The following SPARC variants were observed in gnomAD, a reference collection of about 807,000 sequenced individuals.
SPARC encodes secreted protein acidic and cysteine rich, also known as basement-membrane protein 40.
A neutral mutation model predicts 37.7 loss-of-function variants in SPARC; 23 were observed. That is an observed-to-expected ratio of 0.61 (90% CI 0.44 to 0.87). SPARC has a LOEUF of 0.87. Ranked by LOEUF, SPARC falls within the 40% of genes least tolerant of loss-of-function variation. The pLI is 0.00. For synonymous variants in SPARC, 155 were observed against 150.8 expected (o/e 1.03, Z -0.20); for missense variants, 312 against 389.0 (o/e 0.80, Z 1.66).
chr5:151,672,984 G>A (rs1194019645), intron 4 of SPARC, 145 bp downstream of exon 4: 10 of 679,344 alleles, frequency 1.5e-5, no homozygotes, highest in African/African-American at 5.3e-5. Context: ...CACTTGTTAA[G>A]TCAAAGCCGT....
intron 6 of SPARC, 132 bp downstream of exon 6, chr5:151,669,532 G>T: frequency 9.4e-7 from 1 of 1,063,206 alleles, no homozygotes; most frequent in South Asian, 1.7e-5. Context: ...TTATAAATGG[G>T]GATGCCGAGA....
chr5:151,680,551 A>T (rs1384121263), intron 1 of SPARC, among the ~76,000 whole-genome samples: 1 of 152,124 alleles, frequency 6.6e-6, no homozygotes, highest in Non-Finnish European at 1.5e-5. Flanking sequence ...AATCAACTTA[A>T]ATCTAAATAG....
intron 1 of SPARC, among the ~76,000 whole-genome samples, chr5:151,677,260 C>A (rs1760878091): frequency 6.6e-6 from 1 of 152,172 alleles, no homozygotes; most frequent in Non-Finnish European, 1.5e-5. Flanking sequence ...TTTTACTGAT[C>A]TAAATGTGCC....
chr5:151,667,856 C>T (rs1456076495), intron 6 of SPARC, among the ~76,000 whole-genome samples: 1 of 152,254 alleles, frequency 6.6e-6, no homozygotes, highest in Non-Finnish European at 1.5e-5. Context: ...AAATGGATGG[C>T]TCCTGCACCT....
At chr5:151,671,779 C>G (rs536140795) in intron 4 of SPARC, 85 bp from the exon 5 acceptor site, 111 of 1,562,806 alleles carry the variant, frequency 7.1e-5, no homozygotes, top group Non-Finnish European at 8.9e-5. Flanking sequence ...TCAGGGCTGA[C>G]AGTCCTTGAC....
intron 1 of SPARC, among the ~76,000 whole-genome samples, chr5:151,683,389 G>T (rs1263400755): frequency 6.6e-6 from 1 of 152,200 alleles, no homozygotes; most frequent in East Asian, 1.9e-4. Flanking sequence ...TTTCCAAACT[G>T]AACAAATGGG....
chr5:151,669,035 C>T (rs1215421678), intron 6 of SPARC, among the ~76,000 whole-genome samples: 1 of 152,214 alleles, frequency 6.6e-6, no homozygotes, highest in East Asian at 1.9e-4. Context: ...GAACAAGGCA[C>T]TTGGCCCCAC....
Position 151,664,080 on chromosome 5 carries a change from C to G in SPARC, c.883+7G>C, listed in dbSNP as rs772522617. ...CATGCCCCTTGCTTCTTTGTTCAGA[C>G]ACTCACTCTGCTTGATGCCGAAGCA... On this transcript the variant is annotated splice_region_variant and intron_variant, in intron 9 of 9. Transcript: ENST00000231061. The G allele has an allele frequency of 6.2e-7, 1 of 1,614,150 alleles. No homozygotes were observed. The highest frequency in any genetic ancestry group is 8.5e-7 in the Non-Finnish European group (1 of 1,180,040).
Position 151,667,479 on chromosome 5 carries a change from C to G in SPARC, c.573G>C (p.Lys191Asn). 1 of 1,614,208 alleles carries G rather than the reference C, an allele frequency of 6.2e-7. No individual in the cohort carries two copies. Among genetic ancestry groups the G allele is most frequent in the Non-Finnish European group, 8.5e-7 (1 of 1,180,026 alleles). Residue 191 changes from lysine (K) to asparagine (N), a missense_variant, in exon 7 of 10, where the codon AAG becomes AAC. Lys to Asn is a moderately conservative substitution (Grantham distance 94). Transcript: ENST00000231061. ...AGAGACCACTTACCCGCAGCTTCTG[C>G]TTCTCAGTCAGAAGGTTGTTGTCCT... is the stretch of plus-strand genomic sequence containing the variant. The part of the protein sequence containing the change: ...RDEDNNLLTE[K>N]QKLRVKKIHE...
In SPARC at chr5:151,662,157, AT is replaced by A; in HGVS notation, c.*1413del. 1 of 152,678 alleles carries A rather than the reference AT, an allele frequency of 6.5e-6. No individual in the cohort carries two copies. The highest frequency in any genetic ancestry group is 1.9e-4 in the East Asian group (1 of 5,206). 9.5% of individuals were successfully genotyped at this position (152,678 alleles called of 1,614,324 possible). On this transcript the variant is annotated 3_prime_UTR_variant, in exon 10 of 10. Coordinates refer to ENST00000231061, the MANE Select transcript of SPARC (RefSeq NM_003118.4). The stretch of plus-strand genomic sequence containing the variant: ...ATGAATGACCATGATTAATAAAAGG[AT>A]ATAGCTGCTCAGTCTGGTGCTGATA...
intron 6 of SPARC, among the ~76,000 whole-genome samples, chr5:151,669,218 C>T (rs1760694125): frequency 6.6e-6 from 1 of 152,076 alleles, no homozygotes; most frequent in Non-Finnish European, 1.5e-5. Context: ...GTAACAGGGC[C>T]CAAAGCAAAC....
intron 2 of SPARC, 100 bp from the exon 3 acceptor site, chr5:151,674,774 G>T (rs1760821919): frequency 6.0e-6 from 7 of 1,170,648 alleles, no homozygotes; most frequent in Middle Eastern, 2.4e-4. Flanking sequence ...GGAGCTTGGA[G>T]AGCAGCTTAC....
At chr5:151,681,981 C>G (rs543349836) in intron 1 of SPARC, among the ~76,000 whole-genome samples, 1 of 152,270 alleles carries the variant, frequency 6.6e-6, no homozygotes, top group South Asian at 2.1e-4. Flanking sequence ...CCCTAAGATA[C>G]CTTGGAACAT....
At chr5:151,678,141 C>G (rs923405443) in intron 1 of SPARC, among the ~76,000 whole-genome samples, 3 of 152,264 alleles carry the variant, frequency 2.0e-5, no homozygotes, top group Non-Finnish European at 4.4e-5. Flanking sequence ...TAAAACAAAA[C>G]AAAACAAAAA....
At position 151,667,235 on chromosome 5, in the gene SPARC, A is replaced by G. The variant is rs528656804; in HGVS notation, c.585+232T>C. ...AGGGCTGTTTGTGTCTCTTTTGTTT[A>G]ACGTTAGGTTAAGCAAAGGGAGCAG... is the stretch of plus-strand genomic sequence containing the variant. On this transcript the variant is annotated intron_variant, in intron 7 of 9. Coordinates refer to ENST00000231061, the MANE Select transcript of SPARC (RefSeq NM_003118.4). Among the ~76,000 whole-genome samples, 5 of 152,318 alleles carry G rather than the reference A, an allele frequency of 3.3e-5. No homozygotes were observed. In the East Asian group the frequency reaches 9.6e-4, roughly 29 times the overall value.
Position 151,662,660 on chromosome 5 carries a change from T to C in SPARC, c.*911A>G, listed in dbSNP as rs904727109. 1 of 152,594 alleles carries C rather than the reference T, an allele frequency of 6.6e-6. No homozygotes were observed. Among genetic ancestry groups the C allele is most frequent in the African/African-American group, 2.4e-5 (1 of 41,452 alleles). 9.5% of individuals were successfully genotyped at this position (152,594 alleles called of 1,614,324 possible). A position where few individuals can be genotyped will look rare whatever the true frequency, so the allele number is the denominator to read the frequency against. On this transcript the variant is annotated 3_prime_UTR_variant, in exon 10 of 10. Coordinates refer to ENST00000231061, the MANE Select transcript of SPARC (RefSeq NM_003118.4). ...AAAAGGAGGAACATGCTAAAAACCT[T>C]ATGACAATCATCCAAATGTGAGGAA...
chr5:151,676,455 G>A (rs1041752321), intron 1 of SPARC, among the ~76,000 whole-genome samples: 1 of 152,130 alleles, frequency 6.6e-6, no homozygotes, highest in African/African-American at 2.4e-5. Context: ...AAGAGAATAA[G>A]CCTCCAGCTC....
At chr5:151,664,447 C>G (rs1760582179) in intron 8 of SPARC, among the ~76,000 whole-genome samples, 1 of 152,236 alleles carries the variant, frequency 6.6e-6, no homozygotes, top group Non-Finnish European at 1.5e-5. Flanking sequence ...ACCTCAGTTT[C>G]TCCTTCCAGC....
intron 8 of SPARC, among the ~76,000 whole-genome samples, chr5:151,664,677 T>A (rs1293690993): frequency 6.6e-6 from 1 of 152,148 alleles, no homozygotes; most frequent in East Asian, 1.9e-4. Context: ...CATTTATACA[T>A]CTATAAATGC....
Sources: allele counts gnomAD v4.1 joint callset (sites outside exome capture counted in the v4.1 genomes callset), GRCh38; gene constraint gnomAD v4.1.1; transcripts MANE v1.5; gene names NCBI Gene and HGNC (gene_info 2026-07-23, HGNC 2026-07-21).